The following RIMS1 variants were observed in gnomAD, a reference collection of about 807,000 sequenced individuals.
RIMS1 encodes the protein regulating synaptic membrane exocytosis protein 1.
A neutral mutation model predicts 214.1 loss-of-function variants in RIMS1; 83 were observed. That is an observed-to-expected ratio of 0.39 (90% CI 0.32 to 0.47). The LOEUF (loss-of-function observed/expected upper bound fraction) is 0.47, where lower values mean the gene tolerates loss of function less well. Ranked by LOEUF, RIMS1 falls within the 20% of genes least tolerant of loss-of-function variation. RIMS1 has a pLI of 0.99. For missense variants in RIMS1, 2,050 were observed against 2,161.8 expected (o/e 0.95, Z 1.03); for synonymous variants, 793 against 786.8 (o/e 1.01, Z -0.13).
intron 29 of RIMS1, among the ~76,000 whole-genome samples, chr6:72,375,013 A>G (rs753165126): frequency 1.2e-4 from 19 of 152,184 alleles, no homozygotes; most frequent in Non-Finnish European, 2.6e-4. Flanking sequence ...AGCTGTCAGG[A>G]GGCGGAGCTC....
rs1022916877 is a variant in RIMS1 at position 72,125,652 on chromosome 6, C to A, written c.471+25666C>A. Among the ~76,000 whole-genome samples, 3 of 152,338 alleles carry A rather than the reference C, an allele frequency of 2.0e-5. No homozygotes were observed. The East Asian group carries it at 5.8e-4, about 29-fold the overall frequency. On this transcript the variant is annotated intron_variant, in intron 4 of 33. Coordinates refer to ENST00000521978, the MANE Select transcript of RIMS1 (RefSeq NM_014989.7). ...TGCAGTGGGGTCCACCCAGTTCGAG[C>A]TTCCTGGATGCTTTGTTTAACTACT... is the stretch of plus-strand genomic sequence containing the variant.
At chr6:72,204,120 G>A (rs553013231) in intron 6 of RIMS1, among the ~76,000 whole-genome samples, 30 of 152,290 alleles carry the variant, frequency 2.0e-4, no homozygotes, top group Non-Finnish European at 3.4e-4. Flanking sequence ...TTCTGCCTGG[G>A]ATAGCTCTGT....
intron 1 of RIMS1, among the ~76,000 whole-genome samples, chr6:71,958,267 C>G (rs78568995): frequency 0.012 from 1,837 of 152,174 alleles, 10 homozygotes; most frequent in Non-Finnish European, 0.018. Flanking sequence ...TGTAAAGATT[C>G]GATGTCATAA....
intron 2 of RIMS1, among the ~76,000 whole-genome samples, chr6:72,000,528 A>C (rs775540429): frequency 6.6e-6 from 1 of 152,068 alleles, no homozygotes; most frequent in Non-Finnish European, 1.5e-5. Context: ...TACTCTTACC[A>C]TTTGCAAATA....
chr6:72,338,947 A>G (rs1360896681), intron 29 of RIMS1, among the ~76,000 whole-genome samples: 4 of 151,808 alleles, frequency 2.6e-5, no homozygotes, highest in Non-Finnish European at 4.4e-5. Flanking sequence ...TTGAACATCT[A>G]TGTGGTTAGT....
intron 2 of RIMS1, among the ~76,000 whole-genome samples, chr6:71,972,604 C>T (rs1342411926): frequency 1.3e-5 from 2 of 152,086 alleles, no homozygotes; most frequent in Non-Finnish European, 2.9e-5. Context: ...TTTAAGCATG[C>T]TGCCTGAGTT....
intron 1 of RIMS1, among the ~76,000 whole-genome samples, chr6:71,954,393 C>T (rs1240328519): frequency 2.0e-5 from 3 of 152,180 alleles, no homozygotes; most frequent in African/African-American, 4.8e-5. Flanking sequence ...TTTTCCTGAA[C>T]TCTGCTTTAA....
chr6:72,085,862 A>G (rs552094557), intron 2 of RIMS1, among the ~76,000 whole-genome samples: 1 of 152,260 alleles, frequency 6.6e-6, no homozygotes, highest in East Asian at 1.9e-4. Context: ...AGCATTCTGA[A>G]AATAGAATGG....
At position 72,258,145 on chromosome 6, in the gene RIMS1, A is replaced by G. The variant is rs1464512945; in HGVS notation, c.2791A>G (p.Arg931Gly). The G allele has an allele frequency of 1.2e-6, 2 of 1,612,752 alleles. No homozygotes were observed. Among genetic ancestry groups the G allele is most frequent in the Non-Finnish European group, 1.7e-6 (2 of 1,179,304 alleles). Residue 931 changes from arginine (R) to glycine (G), a missense_variant, in exon 17 of 34, where the codon AGA (arginine) becomes GGA (glycine). This residue lies in a region of RIMS1 where 889 missense variants were observed against 885.5 expected (regional missense o/e 1.00). Transcript: ENST00000521978. ...VPPVGYRSSA[R>G]ESKSTTLTVP... is the part of the protein sequence containing the mutation. ...GCCAGTAGGCTATAGGTCTAGTGCT[A>G]GAGAAAGTAAATCTACAACATTAAC...
chr6:72,361,092 CTTTCTT>C (rs2097798017), intron 29 of RIMS1, among the ~76,000 whole-genome samples: 1 of 43,958 alleles, frequency 2.3e-5, no homozygotes, highest in Non-Finnish European at 4.9e-5. Flanking sequence ...ACGGGTCTTT[CTTTCTT>C]TTTTTTTTTT....
intron 29 of RIMS1, among the ~76,000 whole-genome samples, chr6:72,347,379 A>G (rs577933490): frequency 6.6e-6 from 1 of 151,924 alleles, no homozygotes; most frequent in East Asian, 1.9e-4. Context: ...AGTTTTCTGT[A>G]TTCCCTTTCT....
intron 29 of RIMS1, among the ~76,000 whole-genome samples, chr6:72,348,253 T>A (rs1371951916): frequency 6.6e-6 from 1 of 151,830 alleles, no homozygotes; most frequent in African/African-American, 2.4e-5. Flanking sequence ...TATACACAAA[T>A]TTTTTTGTCA....
intron 1 of RIMS1, among the ~76,000 whole-genome samples, chr6:71,915,846 A>C (rs1778232399): frequency 6.6e-6 from 1 of 152,108 alleles, no homozygotes; most frequent in Non-Finnish European, 1.5e-5. Context: ...AGGCCTCACA[A>C]TCATGGCAGA....
intron 22 of RIMS1, among the ~76,000 whole-genome samples, chr6:72,271,269 G>GGAAAA (rs1230678425): frequency 3.8e-5 from 2 of 52,826 alleles, no homozygotes; most frequent in Non-Finnish European, 8.8e-5. Context: ...CCATCTCAAG[G>GGAAAA]AAAAAAAAAA....
At chr6:72,121,490 G>C (rs2038297372) in intron 4 of RIMS1, among the ~76,000 whole-genome samples, 2 of 151,822 alleles carry the variant, frequency 1.3e-5, no homozygotes, top group African/African-American at 2.4e-5. Flanking sequence ...TGTGATTTTT[G>C]TACATTGATT....
At chr6:72,206,394 AT>A (rs1304004339) in intron 6 of RIMS1, among the ~76,000 whole-genome samples, 1 of 152,208 alleles carries the variant, frequency 6.6e-6, no homozygotes, top group Non-Finnish European at 1.5e-5. Flanking sequence ...TCTATCTTCT[AT>A]GATATGATTT....
chr6:72,133,627 C>T (rs1415990108), intron 4 of RIMS1, among the ~76,000 whole-genome samples: 1 of 152,076 alleles, frequency 6.6e-6, no homozygotes, highest in Non-Finnish European at 1.5e-5. Flanking sequence ...AAATATACTC[C>T]ATTTGGAGTA....
intron 4 of RIMS1, among the ~76,000 whole-genome samples, chr6:72,130,199 T>A (rs1008143510): frequency 2.6e-5 from 4 of 152,184 alleles, no homozygotes; most frequent in African/African-American, 4.8e-5. Context: ...GCCCAAACTC[T>A]CTGACTAGAT....
At chr6:72,247,870 C>T in intron 11 of RIMS1, 145 bp from the exon 12 acceptor site, 1 of 612,916 alleles carries the variant, frequency 1.6e-6, no homozygotes, top group East Asian at 2.8e-5. Flanking sequence ...AAATAGACAA[C>T]TAAAGACAAT....
Sources: gnomAD v4.1 joint callset for allele counts (sites outside exome capture counted in the v4.1 genomes callset) on GRCh38, gnomAD v4.1.1 for gene constraint, gnomAD v4.1.1 regional missense constraint, MANE v1.5 for transcripts, NCBI Gene and HGNC (gene_info 2026-07-23, HGNC 2026-07-21) for gene names.